The following KIAA1217 variants were observed in gnomAD, a reference collection of about 807,000 sequenced individuals.
The protein encoded by KIAA1217 is sickle tail protein homolog.
A neutral mutation model predicts 163.9 loss-of-function variants in KIAA1217; 88 were observed. The ratio of observed to expected loss-of-function variants is 0.54; its 90% CI spans 0.45 to 0.64. KIAA1217 has a LOEUF of 0.64. Among genes scored for constraint, KIAA1217 ranks in the 30% least tolerant of loss-of-function variants. KIAA1217 has a pLI of 0.00. For missense variants in KIAA1217, 2,372 were observed against 2,475.0 expected, an observed-to-expected ratio of 0.96 and a Z score of 0.88; for synonymous variants, 903 against 923.1, an observed-to-expected ratio of 0.98 and a Z score of 0.39.
chr10:23,959,076 G>A (rs1278693939), intron 1 of KIAA1217, among the ~76,000 whole-genome samples: 2 of 151,684 alleles, frequency 1.3e-5, no homozygotes, highest in Admixed American at 6.6e-5. Context: ...ATTTCATTAT[G>A]GAAAGAAGGA....
chr10:24,428,115 G>T (rs927017628), intron 3 of KIAA1217, among the ~76,000 whole-genome samples: 1 of 152,190 alleles, frequency 6.6e-6, no homozygotes, highest in Non-Finnish European at 1.5e-5. Context: ...GAATGCAGAT[G>T]TGGGGATGAA....
At chr10:24,147,234 A>G (rs2064362606) in intron 2 of KIAA1217, among the ~76,000 whole-genome samples, 1 of 152,174 alleles carries the variant, frequency 6.6e-6, no homozygotes, top group Non-Finnish European at 1.5e-5. Flanking sequence ...TTCTTTTGAC[A>G]GTTTGAAAAT....
chr10:24,124,280 T>C lies in KIAA1217; in HGVS notation c.-170-95346T>C, dbSNP rs977683049. On this transcript the variant is annotated intron_variant, in intron 2 of 18. Coordinates refer to the KIAA1217 transcript ENST00000376462. The stretch of plus-strand genomic sequence containing the variant: ...AGGTATGAATAAGCAATTGCCCCAG[T>C]ACAATTTATTAGTTTATCATGTTTC... 2.6e-5 allele frequency among the ~76,000 whole-genome samples: 4 copies of C among 152,148 alleles called. 1 individual carries two copies. Among genetic ancestry groups the C allele is most frequent in the African/African-American group, 4.8e-5 (2 of 41,456 alleles).
intron 1 of KIAA1217, among the ~76,000 whole-genome samples, chr10:23,865,068 C>T (rs1840122337): frequency 6.6e-6 from 1 of 152,146 alleles, no homozygotes; most frequent in South Asian, 2.1e-4. Context: ...TATCTGGAAA[C>T]CACAGGCTAT....
intron 2 of KIAA1217, among the ~76,000 whole-genome samples, chr10:24,329,301 CAG>C (rs1001209063): frequency 2.0e-5 from 3 of 148,812 alleles, no homozygotes; most frequent in African/African-American, 7.4e-5. Context: ...ATTTTTTAAA[CAG>C]AAGTATAAAT....
At chr10:23,939,684 GTTAC>G (rs1161307154) in intron 1 of KIAA1217, among the ~76,000 whole-genome samples, 1 of 151,672 alleles carries the variant, frequency 6.6e-6, no homozygotes, top group Non-Finnish European at 1.5e-5. Context: ...TTCAGCAGTT[GTTAC>G]TTAATTAGTG....
chr10:23,874,608 A>G (rs1020571742), intron 1 of KIAA1217, among the ~76,000 whole-genome samples: 1 of 152,022 alleles, frequency 6.6e-6, no homozygotes, highest in African/African-American at 2.4e-5. Context: ...TGCTATAATC[A>G]TATATATAAT....
At chr10:24,261,960 C>A (rs879670350) in intron 2 of KIAA1217, among the ~76,000 whole-genome samples, 4 of 152,116 alleles carry the variant, frequency 2.6e-5, no homozygotes, top group Admixed American at 2.0e-4. Flanking sequence ...TCACAGAAAA[C>A]CCTTCTCAAT....
At chr10:24,040,655 T>C (rs988368579) in intron 2 of KIAA1217, among the ~76,000 whole-genome samples, 1 of 152,198 alleles carries the variant, frequency 6.6e-6, no homozygotes, top group Non-Finnish European at 1.5e-5. Flanking sequence ...TCTCATAATA[T>C]TAAGGGTTTA....
chr10:24,171,456 A>G (rs2065622870), intron 2 of KIAA1217, among the ~76,000 whole-genome samples: 1 of 152,264 alleles, frequency 6.6e-6, no homozygotes, highest in South Asian at 2.1e-4. Context: ...GAAAATGTTT[A>G]ATTTCCAAAT....
intron 2 of KIAA1217, among the ~76,000 whole-genome samples, chr10:24,309,340 ACG>A (rs67626862): frequency 0.12 from 16,638 of 139,862 alleles, 1,583 homozygotes; most frequent in African/African-American, 0.27. Context: ...AGGCGCGCGC[ACG>A]CGCGCGCGCA....
At position 24,295,467 on chromosome 10, in the gene KIAA1217, G is replaced by A. The variant is rs538657845; in HGVS notation, c.354+75558G>A. On this transcript the variant is annotated intron_variant, in intron 2 of 20. Transcript: ENST00000376454. Reference sequence around the variant, plus strand: ...TTATTTCTTCTGGACTATTTCAGGAGCCCCTTCACTGGTCTTTCAGCCTCA... The same window carrying A: ...TTATTTCTTCTGGACTATTTCAGGAACCCCTTCACTGGTCTTTCAGCCTCA... Among the ~76,000 whole-genome samples the A allele has an allele frequency of 7.9e-5, 12 of 152,260 alleles. No individual in the cohort carries two copies. The South Asian group carries it at 2.3e-3, about 29-fold the overall frequency.
chr10:23,919,606 T>TA (rs66850484), intron 1 of KIAA1217, among the ~76,000 whole-genome samples: 1,399 of 76,564 alleles, frequency 0.018, 22 homozygotes, highest in Middle Eastern at 0.053. Flanking sequence ...ACTCCTTCTC[T>TA]AAAAAAAAAA....
chr10:24,002,829 A>G (rs958026613), intron 1 of KIAA1217, among the ~76,000 whole-genome samples: 2 of 152,032 alleles, frequency 1.3e-5, no homozygotes, highest in Non-Finnish European at 2.9e-5. Flanking sequence ...GAGTCCCCAA[A>G]GTTCATTATA....
chr10:24,174,144 G>T (rs1472510446), intron 2 of KIAA1217, among the ~76,000 whole-genome samples: 4 of 152,220 alleles, frequency 2.6e-5, no homozygotes, highest in Admixed American at 6.5e-5. Context: ...TGTGCATGGA[G>T]ACAAGCTTTT....
chr10:24,364,775 T>C (rs2050537478), intron 2 of KIAA1217, among the ~76,000 whole-genome samples: 1 of 151,752 alleles, frequency 6.6e-6, no homozygotes, highest in Non-Finnish European at 1.5e-5. Context: ...TCTTTCTTTC[T>C]TTTTTCTTCC....
chr10:24,303,454 A>G (rs184781346), intron 2 of KIAA1217, among the ~76,000 whole-genome samples: 2 of 152,328 alleles, frequency 1.3e-5, no homozygotes. Context: ...GGTGGTGGCC[A>G]TGAGAGGTGA....
chr10:24,339,710 G>T (rs1031314853), intron 2 of KIAA1217, among the ~76,000 whole-genome samples: 3 of 152,202 alleles, frequency 2.0e-5, no homozygotes, highest in South Asian at 4.1e-4. Context: ...AATGAGGATA[G>T]CACATTAAGA....
chr10:23,960,781 T>C (rs1026566947), intron 1 of KIAA1217, among the ~76,000 whole-genome samples: 1 of 152,246 alleles, frequency 6.6e-6, no homozygotes, highest in Non-Finnish European at 1.5e-5. Flanking sequence ...GCTTAATAGT[T>C]CATCTCATAT....
Sources: gnomAD v4.1 joint callset for allele counts (sites outside exome capture counted in the v4.1 genomes callset) on GRCh38, gnomAD v4.1.1 for gene constraint, MANE v1.5 for transcripts, NCBI Gene and HGNC (gene_info 2026-07-23, HGNC 2026-07-21) for gene names.